The following EPHB2 variants were observed in gnomAD, a reference collection of about 807,000 sequenced individuals.
The protein encoded by EPHB2 is ephrin type-B receptor 2.
In EPHB2, 18 loss-of-function variants were observed where a neutral mutation model predicts 96.4. That is an observed-to-expected ratio of 0.19 (90% CI 0.13 to 0.28). The LOEUF (loss-of-function observed/expected upper bound fraction) is 0.28. Among genes scored for constraint, EPHB2 ranks in the 10% least tolerant of loss-of-function variants. EPHB2 has a pLI of 1.00. For synonymous variants in EPHB2, 506 were observed against 534.1 expected (o/e 0.95, Z 0.72); for missense variants, 989 against 1,355.4 (o/e 0.73, Z 4.25).
chr1:22,912,467 G>C lies in EPHB2; in HGVS notation c.2720G>C (p.Arg907Pro), dbSNP rs751080829. 1.9e-6 allele frequency: 3 copies of C among 1,614,034 alleles called. No homozygotes were observed. Among genetic ancestry groups the C allele is most frequent in the Non-Finnish European group, 2.5e-6 (3 of 1,180,016 alleles). Residue 907 changes from arginine to proline, a missense_variant, in exon 15 of 16, where the codon CGC becomes CCC. Coordinates refer to ENST00000374630, the MANE Select transcript of EPHB2 (RefSeq NM_017449.5). ...AGCATCAACCTGCCGCTGCTGGACC[G>C]CACGATCCCCGACTACACCAGCTTT... ...SSGINLPLLD[R>P]TIPDYTSFNT...
At chr1:22,830,400 C>T (rs929344550) in intron 3 of EPHB2, among the ~76,000 whole-genome samples, 1 of 152,216 alleles carries the variant, frequency 6.6e-6, no homozygotes, top group Non-Finnish European at 1.5e-5. Context: ...GTGCTTGAAT[C>T]CCTGACTGGC....
intron 1 of EPHB2, among the ~76,000 whole-genome samples, chr1:22,713,557 C>T (rs879657630): frequency 2.6e-5 from 4 of 152,120 alleles, no homozygotes; most frequent in Admixed American, 1.3e-4. Context: ...CAGGGATGGA[C>T]GGTGCTGCCT....
At chr1:22,881,894 T>C (rs1205974117) in intron 5 of EPHB2, among the ~76,000 whole-genome samples, 1 of 152,142 alleles carries the variant, frequency 6.6e-6, no homozygotes, top group Non-Finnish European at 1.5e-5. Context: ...CACCCAGCCA[T>C]GTACTAAGGT....
At chr1:22,864,611 C>CT (rs1280944224) in intron 4 of EPHB2, among the ~76,000 whole-genome samples, 1 of 152,180 alleles carries the variant, frequency 6.6e-6, no homozygotes, top group African/African-American at 2.4e-5. Context: ...AAAATAGATA[C>CT]TGGGCAGGTA....
At chr1:22,783,360 G>A (rs1227782262) in intron 2 of EPHB2, among the ~76,000 whole-genome samples, 1 of 152,220 alleles carries the variant, frequency 6.6e-6, no homozygotes, top group Non-Finnish European at 1.5e-5. Context: ...TCTACCCCAG[G>A]TGAAGCCAGC....
intron 1 of EPHB2, among the ~76,000 whole-genome samples, chr1:22,781,072 G>C (rs886284930): frequency 2.6e-5 from 4 of 151,894 alleles, no homozygotes; most frequent in African/African-American, 4.8e-5. Context: ...TGTACTCCCA[G>C]CACTTTGGGA....
chr1:22,904,046 G>A (rs765146862), intron 9 of EPHB2, among the ~76,000 whole-genome samples: 4 of 152,186 alleles, frequency 2.6e-5, no homozygotes, highest in Non-Finnish European at 4.4e-5. Context: ...CCAGCACTTC[G>A]GGAGGCCGAG....
intron 3 of EPHB2, among the ~76,000 whole-genome samples, chr1:22,848,883 G>C (rs968601459): frequency 9.9e-5 from 15 of 152,188 alleles, no homozygotes; most frequent in Non-Finnish European, 2.9e-5. Flanking sequence ...CAGGGAGAGA[G>C]AGGCAGGTGG....
intron 3 of EPHB2, among the ~76,000 whole-genome samples, chr1:22,851,599 G>A (rs1645626353): frequency 6.6e-6 from 1 of 152,234 alleles, no homozygotes. Flanking sequence ...CCCTGTCCCT[G>A]TCTGGGTCTT....
chr1:22,719,294 C>T (rs1643375596), intron 1 of EPHB2, among the ~76,000 whole-genome samples: 1 of 152,190 alleles, frequency 6.6e-6, no homozygotes, highest in African/African-American at 2.4e-5. Context: ...TAATATGACT[C>T]GCCCAAAGCC....
At chr1:22,768,752 C>T (rs560882170) in intron 1 of EPHB2, among the ~76,000 whole-genome samples, 1 of 142,846 alleles carries the variant, frequency 7.0e-6, no homozygotes, top group East Asian at 2.1e-4. Flanking sequence ...CTAGGCCTTC[C>T]TTCTCCCTCC....
At chr1:22,809,105 G>A (rs1570317503) in intron 3 of EPHB2, among the ~76,000 whole-genome samples, 2 of 152,350 alleles carry the variant, frequency 1.3e-5, no homozygotes, top group East Asian at 3.9e-4. Flanking sequence ...CAGCTTCCCG[G>A]CGGTGCCTCT....
chr1:22,724,110 A>G (rs1643530002), intron 1 of EPHB2, among the ~76,000 whole-genome samples: 1 of 152,240 alleles, frequency 6.6e-6, no homozygotes, highest in South Asian at 2.1e-4. Flanking sequence ...TTTCAAACAT[A>G]CAGAGAGGTT....
chr1:22,745,779 A>G (rs1271372322), intron 1 of EPHB2, among the ~76,000 whole-genome samples: 1 of 152,054 alleles, frequency 6.6e-6, no homozygotes, highest in Non-Finnish European at 1.5e-5. Context: ...TCATTCAGCA[A>G]GGCTCGGGCT....
chr1:22,793,670 G>T (rs573500306), intron 3 of EPHB2, among the ~76,000 whole-genome samples: 1 of 152,276 alleles, frequency 6.6e-6, no homozygotes, highest in South Asian at 2.1e-4. Context: ...GGGTAGTCCT[G>T]AGAGGCCTGG....
At chr1:22,828,926 T>G (rs995049479) in intron 3 of EPHB2, among the ~76,000 whole-genome samples, 1 of 152,242 alleles carries the variant, frequency 6.6e-6, no homozygotes, top group Non-Finnish European at 1.5e-5. Flanking sequence ...GTCACAGAAC[T>G]GTAGACTGTT....
rs149199458 is a variant in EPHB2, at chr1:22,914,372, G to A, written c.*802G>A. 1.1e-4 allele frequency: 17 copies of A among 161,214 alleles called. No individual in the cohort carries two copies. The highest frequency in any genetic ancestry group is 3.4e-4 in the South Asian group (2 of 5,866). 10.0% of individuals were successfully genotyped at this position (161,214 alleles called of 1,614,324 possible). ...CCTGGCCCTCCTGGTGCCCACTCCC[G>A]CCAGCCCCTGCCTCGAGGACTGATA... On this transcript the variant is annotated 3_prime_UTR_variant, in exon 16 of 16. Coordinates refer to ENST00000374630, the MANE Select transcript of EPHB2 (RefSeq NM_017449.5).
intron 3 of EPHB2, among the ~76,000 whole-genome samples, chr1:22,853,675 C>T (rs377023570): frequency 6.6e-6 from 1 of 152,234 alleles, no homozygotes; most frequent in Non-Finnish European, 1.5e-5. Flanking sequence ...GGCCCAGAGG[C>T]GAGACCAAGC....
chr1:22,896,693 G>C (rs1639577042), intron 9 of EPHB2, among the ~76,000 whole-genome samples: 1 of 152,120 alleles, frequency 6.6e-6, no homozygotes, highest in Non-Finnish European at 1.5e-5. Context: ...TACCCATGTA[G>C]CTCTTACTCA....
Sources: allele counts gnomAD v4.1 joint callset (sites outside exome capture counted in the v4.1 genomes callset), GRCh38; gene constraint gnomAD v4.1.1; transcripts MANE v1.5; gene names NCBI Gene and HGNC (gene_info 2026-07-23, HGNC 2026-07-21).